Variants in CSMD1 observed in about 807,000 individuals in gnomAD.
The protein encoded by CSMD1 is CUB and sushi domain-containing protein 1.
CSMD1 carries 213 observed loss-of-function variants against 417.5 expected under a neutral mutation model. The observed-to-expected ratio is 0.51, with a 90% CI of 0.46 to 0.57. CSMD1 has a LOEUF of 0.57. Among genes scored for constraint, CSMD1 ranks in the 20% least tolerant of loss-of-function variants. The probability of loss-of-function intolerance (pLI) is 0.00; values close to 1 mark genes in which losing one functional copy is unlikely to be tolerated. For synonymous variants in CSMD1, 2,862 were observed against 1,736.8 expected (o/e 1.65, Z -16.11); for missense variants, 6,923 against 4,529.7 (o/e 1.53, Z -15.17).
At chr8:3,324,774 T>G (rs1016093141) in intron 23 of CSMD1, among the ~76,000 whole-genome samples, 1 of 152,226 alleles carries the variant, frequency 6.6e-6, no homozygotes, top group African/African-American at 2.4e-5. Context: ...ATTTTTAAAA[T>G]ATCTGACGGT....
intron 36 of CSMD1, among the ~76,000 whole-genome samples, chr8:3,181,904 T>G (rs984536682): frequency 6.6e-6 from 1 of 152,168 alleles, no homozygotes; most frequent in Non-Finnish European, 1.5e-5. Flanking sequence ...AGAAAATCGT[T>G]CATCACTCAG....
Position 4,375,889 on chromosome 8 carries a change from C to T in CSMD1, c.415+44064G>A, listed in dbSNP as rs557637053. ...GTACACAACTCCCATCAAACACAGG[C>T]AAATGCCTTCAGGATACGGCCACCA... is the stretch of plus-strand genomic sequence containing the variant. On this transcript the variant is annotated intron_variant, in intron 3 of 69. Transcript: ENST00000635120. 1.1e-4 allele frequency among the ~76,000 whole-genome samples: 17 copies of T among 152,264 alleles called. 1 individual carries two copies. Among genetic ancestry groups the T allele is most frequent in the African/African-American group, 3.8e-4 (16 of 41,568 alleles).
At chr8:4,822,988 C>G (rs903145656) in intron 1 of CSMD1, among the ~76,000 whole-genome samples, 6 of 152,104 alleles carry the variant, frequency 3.9e-5, no homozygotes, top group African/African-American at 1.2e-4. Context: ...TTTGGGAAAT[C>G]CAGTAATTAT....
rs147757008 is a variant in CSMD1, at chr8:3,005,387, A to G, written c.8030-5256T>C. On this transcript the variant is annotated intron_variant, in intron 52 of 69. Coordinates refer to ENST00000635120, the MANE Select transcript of CSMD1 (RefSeq NM_033225.6). ...ATTCCTTCTGAAACTATTCCAATTA[A>G]TAGAAAAAGACGGAATCCTCCCTAA... Among the ~76,000 whole-genome samples the G allele has an allele frequency of 2.6e-3, 393 of 152,324 alleles. 4 individuals carry two copies. The highest frequency in any genetic ancestry group is 3.4e-3 in the Middle Eastern group (1 of 294).
chr8:4,420,103 C>A (rs766926765), intron 2 of CSMD1, 38 bp from the exon 3 acceptor site: 2 of 1,442,976 alleles, frequency 1.4e-6, no homozygotes, highest in African/African-American at 1.5e-5. Flanking sequence ...GAGTTAAAAG[C>A]ATGAATTTGT....
intron 2 of CSMD1, among the ~76,000 whole-genome samples, chr8:4,431,150 T>G (rs1030646623): frequency 1.3e-5 from 2 of 152,140 alleles, no homozygotes; most frequent in Non-Finnish European, 2.9e-5. Flanking sequence ...TCTAAATGAT[T>G]TGCTCAAAGG....
rs1482741301 is a variant in CSMD1, at chr8:3,097,003, T to C, written c.6984A>G (p.Ser2328=). The change falls in exon 47 of 70, where the codon TCA becomes TCG. Residue 2328 remains serine (S), a synonymous_variant. Coordinates refer to ENST00000635120, the MANE Select transcript of CSMD1 (RefSeq NM_033225.6). ...QCPANEVRTG[S]SGVILSPGYP... The stretch of plus-strand genomic sequence containing the variant: ...ACCCTGGACTGAGAATGACTCCCGA[T>C]GATCCAGTCCGGACTTCATTTGCTG... 1.9e-6 allele frequency: 3 copies of C among 1,555,486 alleles called. No individual in the cohort carries two copies. Among genetic ancestry groups the C allele is most frequent in the Admixed American group, 3.9e-5 (2 of 51,510 alleles).
At chr8:3,863,594 T>C (rs1804878912) in intron 5 of CSMD1, among the ~76,000 whole-genome samples, 1 of 152,084 alleles carries the variant, frequency 6.6e-6, no homozygotes, top group African/African-American at 2.4e-5. Context: ...AAGCCTGACA[T>C]CAAACCTTGC....
At chr8:4,170,047 C>T (rs1285819237) in intron 3 of CSMD1, among the ~76,000 whole-genome samples, 1 of 151,792 alleles carries the variant, frequency 6.6e-6, no homozygotes, top group African/African-American at 2.4e-5. Context: ...TATTTGAATA[C>T]TCAAAACCTC....
chr8:4,290,039 T>G (rs886801735), intron 3 of CSMD1, among the ~76,000 whole-genome samples: 6 of 152,206 alleles, frequency 3.9e-5, no homozygotes, highest in Non-Finnish European at 7.3e-5. Context: ...TGTTAAGGTT[T>G]AACCAGAACC....
intron 5 of CSMD1, among the ~76,000 whole-genome samples, chr8:3,806,796 G>C (rs567774924): frequency 2.0e-5 from 3 of 152,224 alleles, no homozygotes; most frequent in African/African-American, 7.2e-5. Context: ...CTAAATACTA[G>C]GTGCAGCATA....
At chr8:4,848,562 G>A (rs775801495) in intron 1 of CSMD1, among the ~76,000 whole-genome samples, 9 of 149,666 alleles carry the variant, frequency 6.0e-5, no homozygotes, top group Non-Finnish European at 1.2e-4. Flanking sequence ...TTTTTGAGAC[G>A]GAGTCTCACT....
intron 3 of CSMD1, among the ~76,000 whole-genome samples, chr8:4,364,944 C>T (rs969656326): frequency 6.7e-6 from 1 of 148,620 alleles, no homozygotes; most frequent in Non-Finnish European, 1.5e-5. Context: ...AAGCACCCGA[C>T]AAAAACGTGC....
At chr8:2,981,670 G>A (rs1805436320) in intron 54 of CSMD1, among the ~76,000 whole-genome samples, 2 of 152,182 alleles carry the variant, frequency 1.3e-5, no homozygotes, top group African/African-American at 2.4e-5. Context: ...ATGAGAACAT[G>A]ATGTCTTATA....
At chr8:4,098,588 A>C (rs1449041085) in intron 3 of CSMD1, among the ~76,000 whole-genome samples, 1 of 152,098 alleles carries the variant, frequency 6.6e-6, no homozygotes, top group Non-Finnish European at 1.5e-5. Context: ...TGGGAACTCA[A>C]CACCCTCTCT....
At chr8:4,086,131 C>G (rs372765903) in intron 3 of CSMD1, among the ~76,000 whole-genome samples, 1 of 152,200 alleles carries the variant, frequency 6.6e-6, no homozygotes, top group African/African-American at 2.4e-5. Context: ...GATGTTATTG[C>G]TACATTTAAG....
chr8:3,236,348 C>G (rs1167834801), intron 26 of CSMD1, among the ~76,000 whole-genome samples: 1 of 152,046 alleles, frequency 6.6e-6, no homozygotes, highest in African/African-American at 2.4e-5. Flanking sequence ...AACAAACCCC[C>G]AAACACTTTG....
intron 1 of CSMD1, among the ~76,000 whole-genome samples, chr8:4,943,952 T>C (rs887149362): frequency 1.3e-5 from 2 of 151,954 alleles, no homozygotes; most frequent in East Asian, 1.9e-4. Context: ...AGACAGAAAA[T>C]GTATTAAGGG....
At chr8:4,141,679 A>C (rs1803800429) in intron 3 of CSMD1, among the ~76,000 whole-genome samples, 1 of 151,106 alleles carries the variant, frequency 6.6e-6, no homozygotes, top group Non-Finnish European at 1.5e-5. Flanking sequence ...TTCTCCAGAA[A>C]TTGCTTAAAT....
Sources: allele counts gnomAD v4.1 joint callset (sites outside exome capture counted in the v4.1 genomes callset), GRCh38; gene constraint gnomAD v4.1.1; transcripts MANE v1.5; gene names NCBI Gene and HGNC (gene_info 2026-07-23, HGNC 2026-07-21).